ETS1: variants seen among roughly 807,000 people sequenced by gnomAD.
ETS1 encodes protein C-ets-1.
A neutral mutation model predicts 58.6 loss-of-function variants in ETS1; 15 were observed. The ratio of observed to expected loss-of-function variants is 0.26; its 90% CI spans 0.17 to 0.39. The LOEUF is 0.39. ETS1 is among the 10% of genes least tolerant of loss of function. The probability of loss-of-function intolerance (pLI) is 1.00; values close to 1 mark genes in which losing one functional copy is unlikely to be tolerated. For missense variants in ETS1, 417 were observed against 610.5 expected (o/e 0.68, Z 3.34); for synonymous variants, 214 against 218.2 (o/e 0.98, Z 0.17).
Position 128,462,287 on chromosome 11 carries a change from CAAAATTCAGAGTCCAACCA to C in ETS1, c.*55_*73del. 1 of 1,194,454 alleles carries C rather than the reference CAAAATTCAGAGTCCAACCA, an allele frequency of 8.4e-7. No homozygotes were observed. The highest frequency in any genetic ancestry group is 2.5e-5 in the East Asian group (1 of 40,694). The allele number at this position is 1,194,454 out of a possible 1,614,324, so 74.0% of individuals were successfully genotyped here. On this transcript the variant is annotated 3_prime_UTR_variant, in exon 10 of 10. Transcript: ENST00000392668. ...GAAAATAAAAAATAGAATAACAATT[CAAAATTCAGAGTCCAACCA>C]ACACGGCTGTCCTTGGAAGGTCTCA...
chr11:128,568,436 A>G (rs1336946785), intron 2 of ETS1, among the ~76,000 whole-genome samples: 1 of 152,226 alleles, frequency 6.6e-6, no homozygotes, highest in Non-Finnish European at 1.5e-5. Context: ...CAGAGGCAGC[A>G]TAACAGGAAG....
chr11:128,565,346 A>G (rs1864475971), intron 2 of ETS1, among the ~76,000 whole-genome samples: 1 of 152,224 alleles, frequency 6.6e-6, no homozygotes, highest in Non-Finnish European at 1.5e-5. Context: ...CACCAGACAC[A>G]GAGACTGCCA....
intron 2 of ETS1, among the ~76,000 whole-genome samples, chr11:128,569,333 T>TTTTTTTTTTTTTTTTTTTTTTTG: frequency 1.5e-5 from 2 of 129,162 alleles, no homozygotes; most frequent in Non-Finnish European, 3.3e-5. Context: ...TTTTTTTTTT[T>TTTTTTTTTTTTTTTTTTTTTTTG]TTTTTTTTTG....
At chr11:128,573,571 T>C (rs1172448670) in intron 1 of ETS1, among the ~76,000 whole-genome samples, 2 of 151,818 alleles carry the variant, frequency 1.3e-5, no homozygotes, top group Non-Finnish European at 2.9e-5. Flanking sequence ...ATAGAAAGGA[T>C]TGGAGAAAGG....
chr11:128,569,683 G>A (rs1864587031), intron 2 of ETS1, among the ~76,000 whole-genome samples: 1 of 152,074 alleles, frequency 6.6e-6, no homozygotes, highest in African/African-American at 2.4e-5. Context: ...CTAAACTTGA[G>A]TTTATACCAA....
At position 128,484,720 on chromosome 11, in the gene ETS1, C is replaced by G. The variant is rs191300940; in HGVS notation, c.862+103G>C. 105 of 1,019,262 alleles carry G rather than the reference C, an allele frequency of 1.0e-4. No homozygotes were observed. The East Asian group carries it at 2.2e-3, about 21-fold the overall frequency. 63.1% of individuals were successfully genotyped at this position (1,019,262 alleles called of 1,614,324 possible). A position where few individuals can be genotyped will look rare whatever the true frequency, so the allele number is the denominator to read the frequency against. ...GGGAAGGCTGAAACTGAGGAATCTA[C>G]AGGTCTAATAAATAAGAAAAAAAAA... On this transcript the variant is annotated intron_variant, in intron 7 of 9. Transcript: ENST00000392668.
chr11:128,462,792 T>C (rs1169435342), intron 9 of ETS1, among the ~76,000 whole-genome samples: 3 of 152,212 alleles, frequency 2.0e-5, no homozygotes, highest in Admixed American at 2.0e-4. Flanking sequence ...GTCACAATGA[T>C]TCTTTAAGTT....
At chr11:128,546,069 G>T (rs550325699) in intron 3 of ETS1, among the ~76,000 whole-genome samples, 2 of 152,160 alleles carry the variant, frequency 1.3e-5, no homozygotes, top group East Asian at 1.9e-4. Flanking sequence ...TCACCAGGAC[G>T]CAAGCTCTAA....
intron 3 of ETS1, among the ~76,000 whole-genome samples, chr11:128,513,338 A>G (rs1414698560): frequency 6.6e-6 from 1 of 152,208 alleles, no homozygotes; most frequent in Non-Finnish European, 1.5e-5. Context: ...CGTCATTCCA[A>G]TGAATTTATT....
chr11:128,585,225 A>AGAAAGAAAGAAG (rs1865003155), intron 1 of ETS1, among the ~76,000 whole-genome samples: 3 of 62,870 alleles, frequency 4.8e-5, no homozygotes, highest in South Asian at 4.1e-4. Flanking sequence ...AAAGAAAGAA[A>AGAAAGAAAGAAG]GAAAGAAAGA....
At chr11:128,545,022 T>TGGGGGGGG (rs397810711) in intron 3 of ETS1, among the ~76,000 whole-genome samples, 43 of 103,342 alleles carry the variant, frequency 4.2e-4, no homozygotes, top group South Asian at 1.2e-3. Flanking sequence ...TGGTTGGGGG[T>TGGGGGGGG]GGGGGGGGCA....
chr11:128,568,776 G>A (rs983312239), intron 2 of ETS1, among the ~76,000 whole-genome samples: 4 of 151,664 alleles, frequency 2.6e-5, no homozygotes, highest in East Asian at 2.0e-4. Flanking sequence ...ACCAGATAAC[G>A]TTAATGTGAC....
At chr11:128,570,238 CT>C (rs200310590) in intron 2 of ETS1, among the ~76,000 whole-genome samples, 3,297 of 135,424 alleles carry the variant, frequency 0.024, 91 homozygotes, top group African/African-American at 0.08. Flanking sequence ...TTTTCTTTTC[CT>C]TTTTTTTTTT....
chr11:128,502,111 A>G (rs1439157966), intron 3 of ETS1, among the ~76,000 whole-genome samples: 1 of 152,202 alleles, frequency 6.6e-6, no homozygotes, highest in Non-Finnish European at 1.5e-5. Context: ...GTCTTGGTCT[A>G]TTTATATCTG....
At chr11:128,466,619 A>G (rs10893875) in intron 8 of ETS1, among the ~76,000 whole-genome samples, 137,369 of 152,198 alleles carry the variant, frequency 0.9, 62,030 homozygotes, top group Admixed American at 0.93. Context: ...TGATGTCAGC[A>G]TACGGGACCC....
intron 2 of ETS1, among the ~76,000 whole-genome samples, chr11:128,563,161 T>A (rs1320296604): frequency 6.6e-6 from 1 of 152,116 alleles, no homozygotes; most frequent in Admixed American, 6.5e-5. Context: ...CTAAACTCCA[T>A]AGGAGCAAAT....
intron 3 of ETS1, chr11:128,505,125 G>A (rs1365451776): frequency 2.0e-5 from 3 of 152,208 alleles, no homozygotes; most frequent in Admixed American, 6.5e-5. Flanking sequence ...AGTGATCTAT[G>A]AACCTTTATC....
At position 128,549,500 on chromosome 11, in the gene ETS1, T is replaced by C. The variant is rs1864195168; in HGVS notation, c.214+6791A>G. ...CCTTTTCCCAACTCGGACCAAATATTTGTGGTTTGAAAAAGTTGAGAGAAC... is the reference window on the plus strand; with the variant it reads ...CCTTTTCCCAACTCGGACCAAATATCTGTGGTTTGAAAAAGTTGAGAGAAC... On this transcript the variant is annotated intron_variant, in intron 3 of 9. Transcript: ENST00000392668. This position sits in a 1 kb window ranked among gnomAD's most constrained non-coding sequence, Gnocchi z 4.3. 6.6e-6 allele frequency among the ~76,000 whole-genome samples: 1 copy of C among 152,092 alleles called. No homozygotes were observed. The highest frequency in any genetic ancestry group is 1.5e-5 in the Non-Finnish European group (1 of 67,992).
chr11:128,542,082 C>T (rs953151414), intron 3 of ETS1, among the ~76,000 whole-genome samples: 6 of 152,182 alleles, frequency 3.9e-5, no homozygotes, highest in African/African-American at 1.4e-4. Context: ...CTCTTTTTTA[C>T]ACAGTATAGT....
Sources: allele counts gnomAD v4.1 joint callset (sites outside exome capture counted in the v4.1 genomes callset), GRCh38; gene constraint gnomAD v4.1.1; non-coding constraint Gnocchi (gnomAD v3.1); transcripts MANE v1.5; gene names NCBI Gene and HGNC (gene_info 2026-07-23, HGNC 2026-07-21).